The following GAL3ST1 variants were observed in gnomAD, a reference collection of about 807,000 sequenced individuals.
The protein encoded by GAL3ST1 is galactosylceramide sulfotransferase.
In GAL3ST1, 13 loss-of-function variants were observed where a neutral mutation model predicts 25.0. That is an observed-to-expected ratio of 0.52 (90% CI 0.34 to 0.83). GAL3ST1 has a LOEUF of 0.83. Ranked by LOEUF, GAL3ST1 falls within the 40% of genes least tolerant of loss-of-function variation. The probability of loss-of-function intolerance (pLI) is 0.02; values close to 1 mark genes in which losing one functional copy is unlikely to be tolerated. For missense variants in GAL3ST1, 474 were observed against 613.6 expected (o/e 0.77, Z 2.40); for synonymous variants, 274 against 277.8 (o/e 0.99, Z 0.14).
In GAL3ST1 at chr22:30,554,824, G is replaced by C; in HGVS notation, c.*129C>G. Reference sequence around the variant, plus strand: ...GTCTTGGCTGGCTGCCTCCCCCCAGGGAGCCCCCCCTCACCCCGGGGTCTG... The same window carrying C: ...GTCTTGGCTGGCTGCCTCCCCCCAGCGAGCCCCCCCTCACCCCGGGGTCTG... On this transcript the variant is annotated 3_prime_UTR_variant, in exon 4 of 4. Transcript: ENST00000406361. 1.5e-6 allele frequency: 1 copy of C among 673,598 alleles called. No individual in the cohort carries two copies. Among genetic ancestry groups the C allele is most frequent in the Admixed American group, 3.3e-5 (1 of 30,516 alleles). 41.7% of individuals were successfully genotyped at this position (673,598 alleles called of 1,614,324 possible).
At chr22:30,557,128 C>T in intron 3 of GAL3ST1, 134 bp downstream of exon 3, 1 of 836,962 alleles carries the variant, frequency 1.2e-6, no homozygotes, top group Non-Finnish European at 1.9e-6. Context: ...TTCTGTCTGG[C>T]ACAGCATGGT....
chr22:30,565,951 GATC>G (rs766582422), intron 1 of GAL3ST1, among the ~76,000 whole-genome samples: 5 of 152,134 alleles, frequency 3.3e-5, no homozygotes, highest in East Asian at 3.9e-4. Context: ...AATTAATAAT[GATC>G]ATTATTGTGA....
intron 1 of GAL3ST1, among the ~76,000 whole-genome samples, chr22:30,570,874 C>T (rs929062744): frequency 3.3e-5 from 5 of 151,814 alleles, no homozygotes; most frequent in African/African-American, 7.3e-5. Flanking sequence ...GTTGTACATT[C>T]GTACATGTGT....
rs778263669 is a variant in GAL3ST1, at chr22:30,555,018, C to T, written c.1207G>A (p.Asp403Asn). 19 of 1,603,920 alleles carry T rather than the reference C, an allele frequency of 1.2e-5. No homozygotes were observed. The East Asian group carries it at 4.0e-4, about 34-fold the overall frequency. Reference sequence around the variant, plus strand: ...GTGACCCACAGGTTGGCGCCGAGGTCCATCAGGTACTGGATCTCGGGCGTG... The same window carrying T: ...GTGACCCACAGGTTGGCGCCGAGGTTCATCAGGTACTGGATCTCGGGCGTG... The part of the protein sequence containing the change: ...MLTPEIQYLM[D>N]LGANLWVTKL... Residue 403 changes from aspartate (D) to asparagine (N), a missense_variant, in exon 4 of 4, where the codon GAC (aspartate) becomes AAC (asparagine). Physicochemically the swap from Asp to Asn is conservative, Grantham distance 23. Around this residue, in one of 2 missense-constraint regions of GAL3ST1, gnomAD observed 359 missense variants for 504.4 expected, o/e 0.71. Transcript: ENST00000406361. This position sits in a 1 kb window ranked among gnomAD's most constrained non-coding sequence, Gnocchi z 8.6.
intron 1 of GAL3ST1, among the ~76,000 whole-genome samples, chr22:30,559,474 T>C (rs943573789): frequency 1.4e-4 from 22 of 152,276 alleles, no homozygotes; most frequent in South Asian, 4.1e-4. Flanking sequence ...CTCCTGACCT[T>C]GTGATCTGCC....
chr22:30,568,588 C>T (rs2086693134), intron 1 of GAL3ST1, among the ~76,000 whole-genome samples: 1 of 152,200 alleles, frequency 6.6e-6, no homozygotes, highest in African/African-American at 2.4e-5. Context: ...TTGTCTGTTA[C>T]AGCAGCTAGC....
At chr22:30,571,994 A>C (rs2086798664) in intron 1 of GAL3ST1, among the ~76,000 whole-genome samples, 1 of 152,150 alleles carries the variant, frequency 6.6e-6, no homozygotes, top group Non-Finnish European at 1.5e-5. Flanking sequence ...GCAAAGCCAA[A>C]ATGAGGAGCA....
rs761774463 is a variant in GAL3ST1 at position 30,556,017 on chromosome 22, C to T, written c.208G>A (p.Gly70Arg). 1.2e-6 allele frequency: 2 copies of T among 1,612,738 alleles called. No individual in the cohort carries two copies. Among genetic ancestry groups the T allele is most frequent in the South Asian group, 1.1e-5 (1 of 91,074 alleles). The change falls in exon 4 of 4, where the codon GGG becomes AGG. Residue 70 changes from glycine (G) to arginine (R), a missense_variant. Gly to Arg is a moderately radical substitution (Grantham distance 125). This residue lies in a region of GAL3ST1 where 115 missense variants were observed against 109.2 expected (regional missense o/e 1.05). Coordinates refer to ENST00000406361, the MANE Select transcript of GAL3ST1 (RefSeq NM_001318104.2). ...ATGTTGCGCCGCGGCTGGCACTCCC[C>T]CGCCGAGCCGTTGGCCCGGATCACT... Reference protein sequence around the residue: ...EAVIRANGSAGECQPRRNIVF... With the variant: ...EAVIRANGSARECQPRRNIVF...
In GAL3ST1 at chr22:30,555,556, G is replaced by A. The variant is rs150183795; in HGVS notation, c.669C>T (p.Gly223=). ...YLRNLLFFDL[G]YDNSLDPSSP... Reference sequence around the variant, plus strand: ...TGCTGGGGTCCAGGCTGTTGTCATAGCCCAGGTCGAAGAAGAGCAGGTTTC... The same window carrying A: ...TGCTGGGGTCCAGGCTGTTGTCATAACCCAGGTCGAAGAAGAGCAGGTTTC... The change falls in exon 4 of 4, where the codon GGC becomes GGT. Residue 223 remains glycine, a synonymous_variant. Coordinates refer to ENST00000406361, the MANE Select transcript of GAL3ST1 (RefSeq NM_001318104.2). The surrounding 1 kb of genome is among the most constrained non-coding windows in gnomAD (Gnocchi z 8.6). 2 of 1,613,654 alleles carry A rather than the reference G, an allele frequency of 1.2e-6. No homozygotes were observed. Among genetic ancestry groups the A allele is most frequent in the East Asian group, 4.5e-5 (2 of 44,878 alleles).
At chr22:30,563,734 A>C (rs1369144269) in intron 1 of GAL3ST1, among the ~76,000 whole-genome samples, 2 of 149,958 alleles carry the variant, frequency 1.3e-5, no homozygotes, top group African/African-American at 5.0e-5. Context: ...TAACACAGTG[A>C]AACCCCATCT....
At chr22:30,569,955 C>T (rs997348153) in intron 1 of GAL3ST1, among the ~76,000 whole-genome samples, 8 of 152,132 alleles carry the variant, frequency 5.3e-5, no homozygotes, top group Non-Finnish European at 7.4e-5. Context: ...TGGTGGTGCA[C>T]GCCTGTAGCC....
At position 30,554,726 on chromosome 22, in the gene GAL3ST1, G is replaced by A. The variant is rs984077944; in HGVS notation, c.*227C>T. The A allele has an allele frequency of 6.0e-5, 25 of 417,786 alleles. No homozygotes were observed. Among genetic ancestry groups the A allele is most frequent in the Middle Eastern group, 1.2e-3 (2 of 1,636 alleles). 25.9% of individuals were successfully genotyped at this position (417,786 alleles called of 1,614,324 possible). A position where few individuals can be genotyped will look rare whatever the true frequency, so the allele number is the denominator to read the frequency against. ...GAACATTCTTTATCGGGGAGGGAAA[G>A]GGGTTTAATAAAAACTGGTATAATT... On this transcript the variant is annotated 3_prime_UTR_variant, in exon 4 of 4. Coordinates refer to ENST00000406361, the MANE Select transcript of GAL3ST1 (RefSeq NM_001318104.2).
intron 1 of GAL3ST1, among the ~76,000 whole-genome samples, chr22:30,573,566 G>C (rs762090496): frequency 2.0e-5 from 3 of 152,204 alleles, no homozygotes; most frequent in Non-Finnish European, 4.4e-5. Flanking sequence ...GGAAGAGATT[G>C]GGTTTTCCCA....
chr22:30,571,490 C>T (rs1363999807), intron 1 of GAL3ST1, among the ~76,000 whole-genome samples: 1 of 152,168 alleles, frequency 6.6e-6, no homozygotes, highest in Non-Finnish European at 1.5e-5. Flanking sequence ...GCTGGCCCAG[C>T]AGTTGAGAGA....
At chr22:30,573,690 T>G (rs575329608) in intron 1 of GAL3ST1, among the ~76,000 whole-genome samples, 1 of 152,274 alleles carries the variant, frequency 6.6e-6, no homozygotes, top group East Asian at 1.9e-4. Flanking sequence ...TCCCTTTCCT[T>G]CCCCCTGGTG....
chr22:30,557,495 G>T, intron 2 of GAL3ST1, 94 bp from the exon 3 acceptor site: 1 of 1,421,744 alleles, frequency 7.0e-7, no homozygotes. Context: ...CCCTGCCTTT[G>T]CCTGCTCTGT....
rs150183795 is a variant in GAL3ST1 at position 30,555,556 on chromosome 22, G to T, written c.669C>A (p.Gly223=). 1.2e-6 allele frequency: 2 copies of T among 1,613,536 alleles called. No individual in the cohort carries two copies. Among genetic ancestry groups the T allele is most frequent in the Non-Finnish European group, 1.7e-6 (2 of 1,180,036 alleles). ...YLRNLLFFDL[G]YDNSLDPSSP... is the part of the protein sequence containing the mutation. ...TGCTGGGGTCCAGGCTGTTGTCATA[G>T]CCCAGGTCGAAGAAGAGCAGGTTTC... The change falls in exon 4 of 4, where the codon GGC becomes GGA. Residue 223 remains glycine (G), a synonymous_variant. Transcript: ENST00000406361. The surrounding 1 kb of genome is among the most constrained non-coding windows in gnomAD (Gnocchi z 8.6).
chr22:30,556,120 G>A, intron 3 of GAL3ST1, 27 bp from the exon 4 acceptor site: 1 of 1,574,070 alleles, frequency 6.4e-7, no homozygotes, highest in African/African-American at 1.3e-5. Flanking sequence ...GGTGGGGAGA[G>A]CCTCAGGGGG....
At position 30,574,565 on chromosome 22, in the gene GAL3ST1, G is replaced by A. The variant is rs1436332586; in HGVS notation, c.-219C>T. On this transcript the variant is annotated 5_prime_UTR_variant, in exon 1 of 4. Transcript: ENST00000406361. ...CGGGGCGCACCCGGCCGGGCCCCCCGCTCCACCAGGCCTGGTCCATGCCCC... is the reference window on the plus strand; with the variant it reads ...CGGGGCGCACCCGGCCGGGCCCCCCACTCCACCAGGCCTGGTCCATGCCCC... 5.5e-5 allele frequency: 8 copies of A among 145,158 alleles called. No homozygotes were observed. Among genetic ancestry groups the A allele is most frequent in the African/African-American group, 2.0e-4 (8 of 40,148 alleles). 9.0% of individuals were successfully genotyped at this position (145,158 alleles called of 1,614,324 possible).
Sources: allele counts gnomAD v4.1 joint callset (sites outside exome capture counted in the v4.1 genomes callset), GRCh38; gene constraint gnomAD v4.1.1; regional missense constraint gnomAD v4.1.1; non-coding constraint Gnocchi (gnomAD v3.1); transcripts MANE v1.5; gene names NCBI Gene and HGNC (gene_info 2026-07-23, HGNC 2026-07-21).